The following CASKIN2 variants were observed in gnomAD, a reference collection of about 807,000 sequenced individuals.
CASKIN2 encodes the protein caskin-2.
Under a neutral mutation model 107.1 loss-of-function variants are expected in CASKIN2, and 41 were observed. The ratio of observed to expected loss-of-function variants is 0.38; its 90% CI spans 0.30 to 0.50. The LOEUF is 0.50. Ranked by LOEUF, CASKIN2 falls within the 20% of genes least tolerant of loss-of-function variation. CASKIN2 has a pLI of 0.92. For missense variants in CASKIN2, 1,546 were observed against 1,657.4 expected, an observed-to-expected ratio of 0.93 and a Z score of 1.17; for synonymous variants, 724 against 705.6, an observed-to-expected ratio of 1.03 and a Z score of -0.41.
intron 2 of CASKIN2, among the ~76,000 whole-genome samples, chr17:75,509,354 GC>G (rs2053297708): frequency 6.6e-6 from 1 of 152,218 alleles, no homozygotes; most frequent in Non-Finnish European, 1.5e-5. Flanking sequence ...GCCCAGGCCT[GC>G]CCCCCAGGCT....
At position 75,513,995 on chromosome 17, in the gene CASKIN2, C is replaced by T. The variant is rs1234100801; in HGVS notation, c.-191G>A. 6.7e-6 allele frequency: 4 copies of T among 593,676 alleles called. No individual in the cohort carries two copies. The Admixed American group carries it at 8.8e-5, about 13-fold the overall frequency. 36.8% of individuals were successfully genotyped at this position (593,676 alleles called of 1,614,324 possible). A position where few individuals can be genotyped will look rare whatever the true frequency, so the allele number is the denominator to read the frequency against. ...GATACTCCCAAAGGTGCTCCGTGAACTGCCACCACACGAAGGAAAGCTAAT... is the reference window on the plus strand; with the variant it reads ...GATACTCCCAAAGGTGCTCCGTGAATTGCCACCACACGAAGGAAAGCTAAT... On this transcript the variant is annotated 5_prime_UTR_variant, in exon 2 of 20. Transcript: ENST00000321617.
In CASKIN2 at chr17:75,502,363, C is replaced by T; in HGVS notation, c.2711G>A (p.Arg904Lys). ...GPKEGATGPRRRTLSEPAGPS... is the reference protein window; with the variant it reads ...GPKEGATGPRKRTLSEPAGPS... ...GCCAGCAGGTTCACTCAGTGTTCGC[C>T]TTCGGGGCCCTGTGGCCCCTTCCTT... is the stretch of plus-strand genomic sequence containing the variant. The change falls in exon 18 of 20, where the codon AGG (arginine) becomes AAG (lysine). Residue 904 changes from arginine (R) to lysine (K), a missense_variant. Physicochemically the swap from Arg to Lys is conservative, Grantham distance 26. Coordinates refer to ENST00000321617, the MANE Select transcript of CASKIN2 (RefSeq NM_020753.5). The surrounding 1 kb of genome is among the most constrained non-coding windows in gnomAD (Gnocchi z 4.3). The T allele has an allele frequency of 6.8e-7, 1 of 1,479,826 alleles. No individual in the cohort carries two copies. Among genetic ancestry groups the T allele is most frequent in the Non-Finnish European group, 8.9e-7 (1 of 1,117,762 alleles). The allele number at this position is 1,479,826 out of a possible 1,614,324, so 91.7% of individuals were successfully genotyped here.
intron 4 of CASKIN2, 56 bp downstream of exon 4, chr17:75,507,528 C>G: frequency 7.6e-7 from 1 of 1,309,330 alleles, no homozygotes; most frequent in Non-Finnish European, 1.1e-6. Context: ...GTCCCAGGGT[C>G]TGGGTAGGGC....
At position 75,503,169 on chromosome 17, in the gene CASKIN2, G is replaced by C. The variant is rs373026763; in HGVS notation, c.1905C>G (p.Gly635=). ...GLLQGEALSE[G]GRRLAKGPEL... ...CCGGACCCTTGGCCAGCCGGCGCCC[G>C]CCTTCGCTGAGGGCCTCCCCCTGCA... Residue 635 remains glycine (G), a synonymous_variant, in exon 18 of 20, where the codon GGC becomes GGG. Coordinates refer to ENST00000321617, the MANE Select transcript of CASKIN2 (RefSeq NM_020753.5). 2.5e-6 allele frequency: 4 copies of C among 1,602,286 alleles called. No individual in the cohort carries two copies. Among genetic ancestry groups the C allele is most frequent in the Non-Finnish European group, 8.5e-7 (1 of 1,176,736 alleles).
Position 75,502,535 on chromosome 17 carries a change from G to A in CASKIN2, c.2539C>T (p.Pro847Ser). ...ALVRTSPSVT[P>S]TPARGTPRSQ... ...CGAGGAGTCCCCCGAGCTGGGGTTG[G>A]GGTCACACTAGGACTGGTCCGGACA... Residue 847 changes from proline to serine, a missense_variant, in exon 18 of 20, where the codon CCA becomes TCA. Pro to Ser is a moderately conservative substitution (Grantham distance 74, BLOSUM62 -1). Transcript: ENST00000321617. This position sits in a 1 kb window ranked among gnomAD's most constrained non-coding sequence, Gnocchi z 4.3. The A allele has an allele frequency of 6.6e-7, 1 of 1,505,838 alleles. No individual in the cohort carries two copies. 93.3% of individuals were successfully genotyped at this position (1,505,838 alleles called of 1,614,324 possible).
chr17:75,506,511 G>A lies in CASKIN2; in HGVS notation c.617+72C>T, dbSNP rs1011337189. 2 of 1,600,140 alleles carry A rather than the reference G, an allele frequency of 1.2e-6. No homozygotes were observed. The highest frequency in any genetic ancestry group is 1.3e-5 in the African/African-American group (1 of 74,672). ...GGAGAGCCCGGGTGAAAAGGGCAGT[G>A]GGGGAGAGCACTGAGGGGCACCGAT... On this transcript the variant is annotated intron_variant, in intron 7 of 19. Transcript: ENST00000321617. This position sits in a 1 kb window ranked among gnomAD's most constrained non-coding sequence, Gnocchi z 4.8.
At position 75,503,840 on chromosome 17, in the gene CASKIN2, T is replaced by A. The variant is rs771628486; in HGVS notation, c.1578+12A>T. Reference sequence around the variant, plus strand: ...CGCCCGCTGGGTGCTGCTTCCCGGCTGCAGCACCCACCTCAGGTGTCATGC... The same window carrying A: ...CGCCCGCTGGGTGCTGCTTCCCGGCAGCAGCACCCACCTCAGGTGTCATGC... On this transcript the variant is annotated intron_variant, in intron 15 of 19. Transcript: ENST00000321617. 51 of 1,611,246 alleles carry A rather than the reference T, an allele frequency of 3.2e-5. No individual in the cohort carries two copies. In the Admixed American group the frequency reaches 3.2e-4, roughly 10 times the overall value.
intron 2 of CASKIN2, chr17:75,509,811 C>T (rs2053301879): frequency 1.0e-6 from 1 of 985,514 alleles, no homozygotes; most frequent in South Asian, 4.7e-5. Context: ...ATTAGCCCTC[C>T]TCTTCCAACA....
Position 75,506,741 on chromosome 17 carries a change from C to G in CASKIN2, c.487-28G>C, listed in dbSNP as rs2053269871. On this transcript the variant is annotated intron_variant, in intron 6 of 19. Coordinates refer to ENST00000321617, the MANE Select transcript of CASKIN2 (RefSeq NM_020753.5). This position sits in a 1 kb window ranked among gnomAD's most constrained non-coding sequence, Gnocchi z 4.8. ...GCAGCACCCAGTGCCCAGTTAGAGC[C>G]TCCTCCTGAGACCCTGTAGATGTCC... 6.2e-7 allele frequency: 1 copy of G among 1,613,670 alleles called. No individual in the cohort carries two copies. Among genetic ancestry groups the G allele is most frequent in the Admixed American group, 1.7e-5 (1 of 60,008 alleles).
chr17:75,510,986 G>A (rs957108988), intron 2 of CASKIN2, among the ~76,000 whole-genome samples: 1 of 151,608 alleles, frequency 6.6e-6, no homozygotes, highest in Admixed American at 6.6e-5. Flanking sequence ...GTGGGAAGAT[G>A]AGGCAGGAGG....
intron 2 of CASKIN2, among the ~76,000 whole-genome samples, chr17:75,510,607 T>C (rs1181526540): frequency 6.6e-6 from 1 of 152,126 alleles, no homozygotes; most frequent in African/African-American, 2.4e-5. Context: ...TTATTACTTT[T>C]TGAGACAGGG....
intron 3 of CASKIN2, 116 bp from the exon 4 acceptor site, chr17:75,507,797 C>G (rs540647703): frequency 4.0e-6 from 3 of 745,228 alleles, no homozygotes; most frequent in Admixed American, 2.2e-5. Flanking sequence ...ACTGGCCCCC[C>G]CAACCCCAGC....
At position 75,503,716 on chromosome 17, in the gene CASKIN2, C is replaced by G; in HGVS notation, c.1623G>C (p.Lys541Asn). Residue 541 changes from lysine to asparagine, a missense_variant, in exon 16 of 20, where the codon AAG becomes AAC. Lys to Asn is a moderately conservative substitution (Grantham distance 94). Transcript: ENST00000321617. ...IGVTKPGHRK[K>N]IASEIAQLSI... is the part of the protein sequence containing the mutation. Reference sequence around the variant, plus strand: ...TGAGCTGAGCGATCTCTGAGGCGATCTTCTTCCTGTGCCCAGGCTTGGTCA... The same window carrying G: ...TGAGCTGAGCGATCTCTGAGGCGATGTTCTTCCTGTGCCCAGGCTTGGTCA... 2.5e-6 allele frequency: 4 copies of G among 1,612,616 alleles called. No homozygotes were observed. Among genetic ancestry groups the G allele is most frequent in the Non-Finnish European group, 3.4e-6 (4 of 1,179,994 alleles).
rs2053267016 is a variant in CASKIN2 at position 75,506,473 on chromosome 17, G to A, written c.618-60C>T. The A allele has an allele frequency of 6.4e-7, 1 of 1,574,202 alleles. No individual in the cohort carries two copies. Among genetic ancestry groups the A allele is most frequent in the Non-Finnish European group, 8.7e-7 (1 of 1,153,716 alleles). On this transcript the variant is annotated intron_variant, in intron 7 of 19. Transcript: ENST00000321617. The surrounding 1 kb of genome is among the most constrained non-coding windows in gnomAD (Gnocchi z 4.8). The stretch of plus-strand genomic sequence containing the variant: ...CGTAGGAGGGGGTGCTGACTGCTGG[G>A]GGCCTGGGAGATGGAGAGCCCGGGT...
At chr17:75,501,357 C>A (rs1356230948) in intron 19 of CASKIN2, 111 bp downstream of exon 19, 1 of 1,318,070 alleles carries the variant, frequency 7.6e-7, no homozygotes, top group Admixed American at 1.9e-5. Context: ...CCTCTTATCC[C>A]GTTAGTGCCT....
At chr17:75,503,570 GC>G in intron 16 of CASKIN2, 43 bp from the exon 17 acceptor site, 1 of 1,602,312 alleles carries the variant, frequency 6.2e-7, no homozygotes, top group Admixed American at 1.7e-5. Flanking sequence ...GCCAGCCTCC[GC>G]CCCCAGCCAG....
rs555035325 is a variant in CASKIN2 at position 75,513,000 on chromosome 17, G to C, written c.94+711C>G. ...GTTTGAGGTTGGGGGTAGGGATGAAGTTCTATCTATTCAGTCTTCTCTAAC... is the reference window on the plus strand; with the variant it reads ...GTTTGAGGTTGGGGGTAGGGATGAACTTCTATCTATTCAGTCTTCTCTAAC... On this transcript the variant is annotated intron_variant, in intron 2 of 19. Transcript: ENST00000321617. Among the ~76,000 whole-genome samples the C allele has an allele frequency of 5.3e-5, 8 of 152,196 alleles. No homozygotes were observed. The South Asian group carries it at 1.7e-3, about 32-fold the overall frequency.
rs756585725 is a variant in CASKIN2 at position 75,501,469 on chromosome 17, C to T, written c.3517G>A (p.Gly1173Ser). ...CCCTCCCCATCCGGCCCCCCTCACCCCTCTTGCTCCTTGGTGCCAATGCTC... is the reference window on the plus strand; with the variant it reads ...CCCTCCCCATCCGGCCCCCCTCACCTCTCTTGCTCCTTGGTGCCAATGCTC... ...EKSIGTKEQE[G>S]TPSASTKHIL... Residue 1173 changes from glycine (G) to serine (S), a missense_variant and splice_region_variant, in exon 19 of 20, where the codon GGC becomes AGC. Gly to Ser is a moderately conservative substitution (Grantham distance 56). This residue lies in a region of CASKIN2 where 1,311 missense variants were observed against 1,311.0 expected (regional missense o/e 1.00). Transcript: ENST00000321617. The T allele has an allele frequency of 5.4e-5, 86 of 1,605,722 alleles. 2 individuals carry two copies. The Admixed American group carries it at 1.4e-3, about 26-fold the overall frequency.
At chr17:75,501,398 C>T in intron 19 of CASKIN2, 70 bp downstream of exon 19, 4 of 1,510,542 alleles carry the variant, frequency 2.6e-6, no homozygotes, top group South Asian at 2.4e-5. Context: ...CCCCATGATC[C>T]CTGGGCAGAG....
Sources: gnomAD v4.1 joint callset for allele counts (sites outside exome capture counted in the v4.1 genomes callset) on GRCh38, gnomAD v4.1.1 for gene constraint, gnomAD v4.1.1 regional missense constraint, Gnocchi (gnomAD v3.1) non-coding constraint, MANE v1.5 for transcripts, NCBI Gene and HGNC (gene_info 2026-07-23, HGNC 2026-07-21) for gene names.